Variants in ALPK3 observed in about 807,000 individuals in gnomAD.
The protein encoded by ALPK3 is alpha kinase 3, also known as alpha-protein kinase 3.
A neutral mutation model predicts 140.0 loss-of-function variants in ALPK3; 102 were observed. The observed-to-expected ratio is 0.73, with a 90% confidence interval of 0.62 to 0.86. The LOEUF is 0.86. ALPK3 is among the 40% of genes least tolerant of loss of function. ALPK3 has a pLI of 0.00. For synonymous variants in ALPK3, 938 were observed against 898.5 expected (o/e 1.04, Z -0.79); for missense variants, 2,254 against 2,208.2 (o/e 1.02, Z -0.42).
chr15:84,857,964 G>A lies in ALPK3; in HGVS notation c.3226G>A (p.Val1076Ile), dbSNP rs751943226. 6.2e-7 allele frequency: 1 copy of A among 1,608,510 alleles called. No homozygotes were observed. Among genetic ancestry groups the A allele is most frequent in the African/African-American group, 1.3e-5 (1 of 74,864 alleles). The change falls in exon 6 of 14, where the codon GTA becomes ATA. Residue 1076 changes from valine (V) to isoleucine (I), a missense_variant. Coordinates refer to ENST00000258888, the MANE Select transcript of ALPK3 (RefSeq NM_020778.5). ...CTCCCTCACTGTCCCTGCCATTGTG[G>A]TAGACGAGGAGGACCCTGGGCTGGC... Reference protein sequence around the residue: ...PSSLTVPAIVVDEEDPGLASE... With the variant: ...PSSLTVPAIVIDEEDPGLASE...
chr15:84,863,752 A>C lies in ALPK3; in HGVS notation c.4499+112A>C, dbSNP rs540395471. ...GCATCCTGCGTTATGCCCATGTGCA[A>C]ATAGGCTCACAGCCCCATGCTCAGC... On this transcript the variant is annotated intron_variant, in intron 11 of 13. Coordinates refer to ENST00000258888, the MANE Select transcript of ALPK3 (RefSeq NM_020778.5). 2.4e-5 allele frequency: 25 copies of C among 1,021,614 alleles called. No homozygotes were observed. The African/African-American group carries it at 3.7e-4, about 15-fold the overall frequency. The allele number at this position is 1,021,614 out of a possible 1,614,324, so 63.3% of individuals were successfully genotyped here.
chr15:84,863,000 T>C, intron 10 of ALPK3, 85 bp downstream of exon 10: 1 of 1,529,674 alleles, frequency 6.5e-7, no homozygotes, highest in Non-Finnish European at 8.8e-7. Flanking sequence ...GGATGCCCAG[T>C]ATCGAGGCAG....
intron 5 of ALPK3, among the ~76,000 whole-genome samples, chr15:84,852,083 C>T (rs1444898674): frequency 2.0e-5 from 3 of 152,066 alleles, no homozygotes; most frequent in Admixed American, 2.0e-4. Flanking sequence ...TGTGTTTTGT[C>T]CTATACATAC....
intron 5 of ALPK3, among the ~76,000 whole-genome samples, chr15:84,851,987 A>G (rs1210889563): frequency 1.3e-5 from 2 of 152,214 alleles, no homozygotes; most frequent in Non-Finnish European, 1.5e-5. Context: ...AAGAGAGTAC[A>G]GCAGTCCCCC....
intron 5 of ALPK3, among the ~76,000 whole-genome samples, chr15:84,841,596 C>T (rs562037824): frequency 2.5e-4 from 38 of 152,218 alleles, no homozygotes; most frequent in Non-Finnish European, 4.9e-4. Flanking sequence ...GAAACAGAGG[C>T]AAAGTGTTTT....
chr15:84,842,851 T>C (rs549302659), intron 5 of ALPK3, among the ~76,000 whole-genome samples: 1 of 152,278 alleles, frequency 6.6e-6, no homozygotes, highest in East Asian at 1.9e-4. Context: ...AAGTTCACAG[T>C]GGCCCGGGGA....
intron 11 of ALPK3, 134 bp downstream of exon 11, chr15:84,863,774 C>T (rs1596158189): frequency 3.8e-6 from 3 of 796,624 alleles, no homozygotes; most frequent in South Asian, 1.9e-5. Context: ...GCCCCATGCT[C>T]AGCTCAGTGG....
At chr15:84,843,806 C>T (rs1483286517) in intron 5 of ALPK3, among the ~76,000 whole-genome samples, 2 of 152,084 alleles carry the variant, frequency 1.3e-5, no homozygotes, top group Admixed American at 6.5e-5. Flanking sequence ...GAAATTGGCC[C>T]ACAGGTTGCC....
intron 9 of ALPK3, 104 bp from the exon 10 acceptor site, chr15:84,862,531 G>A (rs1963958764): frequency 2.1e-6 from 3 of 1,396,950 alleles, no homozygotes; most frequent in South Asian, 1.4e-5. Flanking sequence ...GAGCCCAGCA[G>A]GTTGGCAGGG....
chr15:84,865,690 G>A (rs1473528167), intron 12 of ALPK3, among the ~76,000 whole-genome samples: 1 of 152,228 alleles, frequency 6.6e-6, no homozygotes, highest in Non-Finnish European at 1.5e-5. Context: ...TGGGCGCGGA[G>A]GCTCACGCCT....
chr15:84,839,214 G>C, intron 4 of ALPK3, 117 bp downstream of exon 4: 2 of 876,770 alleles, frequency 2.3e-6, no homozygotes, highest in South Asian at 1.6e-5. Context: ...TCTGGGGATG[G>C]AGGGCAGGAT....
At chr15:84,864,300 C>T in intron 11 of ALPK3, 142 bp from the exon 12 acceptor site, 2 of 853,054 alleles carry the variant, frequency 2.3e-6, no homozygotes, top group Non-Finnish European at 3.6e-6. Flanking sequence ...AGCTGCTTTC[C>T]TTTGCTGTCC....
Position 84,859,179 on chromosome 15 carries a change from A to G in ALPK3, c.3818-64A>G, listed in dbSNP as rs920680555. 5.6e-6 allele frequency: 9 copies of G among 1,599,188 alleles called. No individual in the cohort carries two copies. The African/African-American group carries it at 8.1e-5, about 14-fold the overall frequency. The stretch of plus-strand genomic sequence containing the variant: ...CCAGCCTTTTCCACCAAGGACACCC[A>G]GGAGAGCAAGGATATGGCCAGAGGA... On this transcript the variant is annotated intron_variant, in intron 6 of 13. Transcript: ENST00000258888.
chr15:84,859,958 G>A (rs981575124), intron 8 of ALPK3, 55 bp downstream of exon 8: 12 of 1,613,770 alleles, frequency 7.4e-6, no homozygotes, highest in Admixed American at 3.3e-5. Context: ...TGGTGGGTGG[G>A]CAGCAGTCAT....
chr15:84,839,081 A>G lies in ALPK3; in HGVS notation c.406A>G (p.Thr136Ala), dbSNP rs778291342. 1 of 1,609,306 alleles carries G rather than the reference A, an allele frequency of 6.2e-7. No individual in the cohort carries two copies. Among genetic ancestry groups the G allele is most frequent in the Non-Finnish European group, 8.5e-7 (1 of 1,177,630 alleles). Residue 136 changes from threonine to alanine, a missense_variant, in exon 4 of 14, where the codon ACA becomes GCA. Transcript: ENST00000258888. ...YEITHQGNRH[T>A]LQLYRCREED... ...GATCACTCATCAGGGCAACCGCCAC[A>G]CACTGCAGCTGTACAGGTGAGGGAG...
chr15:84,868,587 C>T lies in ALPK3; in HGVS notation c.*131C>T. The T allele has an allele frequency of 1.1e-6, 1 of 875,426 alleles. No individual in the cohort carries two copies. Among genetic ancestry groups the T allele is most frequent in the South Asian group, 1.8e-5 (1 of 55,414 alleles). The allele number at this position is 875,426 out of a possible 1,614,324, so 54.2% of individuals were successfully genotyped here. Reference sequence around the variant, plus strand: ...AAGGAGACACCACTTGGGGACCTCTCTGAGCAGGCTCTCGTGAATCAGCTC... The same window carrying T: ...AAGGAGACACCACTTGGGGACCTCTTTGAGCAGGCTCTCGTGAATCAGCTC... On this transcript the variant is annotated 3_prime_UTR_variant, in exon 14 of 14. Coordinates refer to ENST00000258888, the MANE Select transcript of ALPK3 (RefSeq NM_020778.5).
chr15:84,861,725 G>T (rs1963947765), intron 9 of ALPK3, among the ~76,000 whole-genome samples: 1 of 152,166 alleles, frequency 6.6e-6, no homozygotes, highest in African/African-American at 2.4e-5. Flanking sequence ...GTTCCAACAG[G>T]AAATGAAGGA....
chr15:84,860,128 G>A lies in ALPK3; in HGVS notation c.4129+56G>A, dbSNP rs550954439. 1.1e-5 allele frequency: 18 copies of A among 1,595,018 alleles called. No individual in the cohort carries two copies. The East Asian group carries it at 3.8e-4, about 34-fold the overall frequency. On this transcript the variant is annotated intron_variant, in intron 9 of 13. Transcript: ENST00000258888. ...GTCCTACCCCTGCCATCTGCAGGGA[G>A]GACCCTCTTTAAGGGCTTGGAATCT...
intron 12 of ALPK3, among the ~76,000 whole-genome samples, chr15:84,866,484 T>C (rs1964004774): frequency 6.6e-6 from 1 of 152,234 alleles, no homozygotes; most frequent in Non-Finnish European, 1.5e-5. Context: ...TATCATATGA[T>C]GGTACTCAGC....
Sources: gnomAD v4.1 joint callset for allele counts (sites outside exome capture counted in the v4.1 genomes callset) on GRCh38, gnomAD v4.1.1 for gene constraint, MANE v1.5 for transcripts, NCBI Gene and HGNC (gene_info 2026-07-23, HGNC 2026-07-21) for gene names.